PCDH7: variants seen among roughly 807,000 people sequenced by gnomAD.
PCDH7 encodes the protein protocadherin-7.
In PCDH7, 17 loss-of-function variants were observed where a neutral mutation model predicts 58.9. The ratio of observed to expected loss-of-function variants is 0.29; its 90% CI spans 0.20 to 0.43. PCDH7 has a LOEUF of 0.43. PCDH7 is among the 20% of genes least tolerant of loss of function. PCDH7 has a pLI of 1.00. For synonymous variants in PCDH7, 664 were observed against 616.4 expected, an observed-to-expected ratio of 1.08 and a Z score of -1.14; for missense variants, 1,274 against 1,441.0, an observed-to-expected ratio of 0.88 and a Z score of 1.88.
chr4:31,143,631 TA>T (rs936454697), downstream of PCDH7: 3 of 152,146 alleles, frequency 2.0e-5, no homozygotes, highest in Admixed American at 1.3e-4. Flanking sequence ...AAATTATATA[TA>T]TTTTTTCAGA....
chr4:31,005,752 G>T (rs1489535512), intron 3 of PCDH7, among the ~76,000 whole-genome samples: 3 of 152,108 alleles, frequency 2.0e-5, no homozygotes, highest in Non-Finnish European at 4.4e-5. Flanking sequence ...GGTCCAGTGT[G>T]GTCACTATTA....
intron 1 of PCDH7, among the ~76,000 whole-genome samples, chr4:30,847,968 A>G (rs1206238019): frequency 6.6e-6 from 1 of 152,146 alleles, no homozygotes; most frequent in African/African-American, 2.4e-5. Flanking sequence ...AGAAAAGTCT[A>G]AACTTTTTCA....
intron 1 of PCDH7, among the ~76,000 whole-genome samples, chr4:30,809,896 C>CATAAAATCTT (rs1726756585): frequency 6.6e-6 from 1 of 152,172 alleles, no homozygotes; most frequent in Non-Finnish European, 1.5e-5. Context: ...TTTATGATGC[C>CATAAAATCTT]ATGTCACTCT....
At position 31,071,725 on chromosome 4, in the gene PCDH7, C is replaced by T. The variant is rs144162211; in HGVS notation, c.*8-70748C>T. On this transcript the variant is annotated intron_variant, in intron 3 of 3. Transcript: ENST00000509759. ...TGTGTTAGATCATATTCCCATCATC[C>T]TCCCAGGCAGAGATCCCTCGCATTT... 8.6e-3 allele frequency among the ~76,000 whole-genome samples: 1,309 copies of T among 152,074 alleles called. 13 individuals are homozygous for T. The highest frequency in any genetic ancestry group is 0.03 in the African/African-American group (1,253 of 41,526).
chr4:30,923,882 T>C (rs943619797), intron 2 of PCDH7, among the ~76,000 whole-genome samples: 1 of 152,132 alleles, frequency 6.6e-6, no homozygotes, highest in African/African-American at 2.4e-5. Flanking sequence ...TAATAATTCA[T>C]ATAGAGTTTA....
chr4:31,117,432 G>A (rs184711424), intron 3 of PCDH7, among the ~76,000 whole-genome samples: 1,805 of 152,010 alleles, frequency 0.012, 19 homozygotes, highest in Middle Eastern at 0.024. Flanking sequence ...TATATTTGAA[G>A]CATTTGACAG....
At chr4:31,077,130 G>T (rs540590549) in intron 3 of PCDH7, among the ~76,000 whole-genome samples, 2 of 152,146 alleles carry the variant, frequency 1.3e-5, no homozygotes, top group Admixed American at 6.5e-5. Flanking sequence ...AAAAAATCAG[G>T]CTGGGTGCAG....
chr4:30,794,963 A>C (rs190769391), intron 1 of PCDH7, among the ~76,000 whole-genome samples: 1 of 152,234 alleles, frequency 6.6e-6, no homozygotes, highest in Non-Finnish European at 1.5e-5. Flanking sequence ...GTGATCTTTC[A>C]ATTTAAATCC....
At chr4:30,974,634 G>A (rs1005003255) in intron 3 of PCDH7, among the ~76,000 whole-genome samples, 4 of 152,060 alleles carry the variant, frequency 2.6e-5, no homozygotes, top group Admixed American at 1.3e-4. Context: ...CAAAATATCC[G>A]GGAGTGCCAA....
chr4:30,844,850 C>A (rs1731706182), intron 1 of PCDH7, among the ~76,000 whole-genome samples: 1 of 152,088 alleles, frequency 6.6e-6, no homozygotes, highest in Non-Finnish European at 1.5e-5. Context: ...ATCAGGTGGG[C>A]TAGCCATGCC....
intron 3 of PCDH7, among the ~76,000 whole-genome samples, chr4:31,027,073 G>A (rs944961918): frequency 3.9e-5 from 6 of 152,026 alleles, no homozygotes; most frequent in African/African-American, 1.4e-4. Flanking sequence ...ACAAACTTTC[G>A]TTCATGATTT....
At chr4:31,036,453 G>A (rs1376258984) in intron 3 of PCDH7, among the ~76,000 whole-genome samples, 7 of 152,084 alleles carry the variant, frequency 4.6e-5, no homozygotes, top group Non-Finnish European at 1.0e-4. Flanking sequence ...CTCCCACAGT[G>A]CTGGGATTAT....
chr4:30,756,104 A>G (rs561954625), intron 1 of PCDH7, among the ~76,000 whole-genome samples: 2 of 152,220 alleles, frequency 1.3e-5, no homozygotes, highest in East Asian at 3.9e-4. Flanking sequence ...ACCAACAAAC[A>G]AAATATATGG....
intron 1 of PCDH7, among the ~76,000 whole-genome samples, chr4:30,901,122 ACC>A (rs2109394447): frequency 6.6e-6 from 1 of 152,218 alleles, no homozygotes; most frequent in Non-Finnish European, 1.5e-5. Context: ...AAAAAACAAC[ACC>A]CAGCCATTTT....
exon 4 of PCDH7, chr4:31,142,941 AG>A (rs1720435331): frequency 1.4e-5 from 14 of 969,584 alleles, no homozygotes; most frequent in Non-Finnish European, 1.8e-5. Flanking sequence ...AATCACAAAG[AG>A]GGGGCTACCA....
At chr4:30,917,415 C>A (rs538280204) in intron 1 of PCDH7, among the ~76,000 whole-genome samples, 10 of 151,984 alleles carry the variant, frequency 6.6e-5, no homozygotes, top group Non-Finnish European at 1.5e-4. Flanking sequence ...TGATACCATA[C>A]TATAGCATTC....
At chr4:30,971,576 A>G (rs2109473426) in intron 3 of PCDH7, among the ~76,000 whole-genome samples, 1 of 152,330 alleles carries the variant, frequency 6.6e-6, no homozygotes, top group Non-Finnish European at 1.5e-5. Context: ...AAAACTTTTG[A>G]ATCAGAATTA....
chr4:30,866,921 G>A (rs950692305), intron 1 of PCDH7, among the ~76,000 whole-genome samples: 4 of 151,776 alleles, frequency 2.6e-5, no homozygotes, highest in African/African-American at 9.7e-5. Context: ...CTTTCTTTTT[G>A]GTTTCCCCCC....
chr4:30,803,363 G>A (rs75280805), intron 1 of PCDH7, among the ~76,000 whole-genome samples: 2,047 of 152,238 alleles, frequency 0.013, 56 homozygotes, highest in African/African-American at 0.047. Flanking sequence ...ATTGAGAATG[G>A]TGATGATTTA....
Sources: gnomAD v4.1 joint callset for allele counts (sites outside exome capture counted in the v4.1 genomes callset) on GRCh38, gnomAD v4.1.1 for gene constraint, MANE v1.5 for transcripts, NCBI Gene and HGNC (gene_info 2026-07-23, HGNC 2026-07-21) for gene names.